GRIN2B: variants seen among roughly 807,000 people sequenced by gnomAD.
GRIN2B encodes the protein glutamate receptor ionotropic, NMDA 2B.
Under a neutral mutation model 114.5 loss-of-function variants are expected in GRIN2B, and 5 were observed. That is an observed-to-expected ratio of 0.04 (90% CI 0.02 to 0.09). The LOEUF (loss-of-function observed/expected upper bound fraction) is 0.09, where lower values mean the gene tolerates loss of function less well. Ranked by LOEUF, GRIN2B falls within the 10% of genes least tolerant of loss-of-function variation. GRIN2B has a pLI of 1.00. For synonymous variants in GRIN2B, 787 were observed against 745.1 expected (o/e 1.06, Z -0.92); for missense variants, 1,108 against 1,943.5 (o/e 0.57, Z 8.08).
chr12:13,655,581 A>C (rs1949855777), intron 5 of GRIN2B, among the ~76,000 whole-genome samples: 1 of 152,164 alleles, frequency 6.6e-6, no homozygotes, highest in Non-Finnish European at 1.5e-5. Context: ...TAGTCTCTGG[A>C]ATTCGACTGC....
chr12:13,965,224 G>A (rs1249092464), intron 2 of GRIN2B, among the ~76,000 whole-genome samples: 2 of 152,092 alleles, frequency 1.3e-5, no homozygotes, highest in Admixed American at 6.5e-5. Flanking sequence ...TCATTTTGAG[G>A]GTTCCTAGCC....
At chr12:13,715,489 AG>A (rs1193886725) in intron 4 of GRIN2B, among the ~76,000 whole-genome samples, 18 of 152,088 alleles carry the variant, frequency 1.2e-4, no homozygotes, top group African/African-American at 4.1e-4. Context: ...TCTTAGGAAA[AG>A]TAACATGCAG....
At chr12:13,733,596 G>A (rs1863125354) in intron 4 of GRIN2B, among the ~76,000 whole-genome samples, 1 of 152,144 alleles carries the variant, frequency 6.6e-6, no homozygotes, top group Non-Finnish European at 1.5e-5. Flanking sequence ...GATGGCTCCT[G>A]GTGTTGTATA....
intron 2 of GRIN2B, among the ~76,000 whole-genome samples, chr12:13,872,363 G>A (rs192255789): frequency 1.3e-5 from 2 of 151,864 alleles, no homozygotes; most frequent in African/African-American, 4.8e-5. Flanking sequence ...GGCTGAGGCA[G>A]GAGAATCCCT....
At chr12:13,877,855 G>A (rs1866012804) in intron 2 of GRIN2B, among the ~76,000 whole-genome samples, 1 of 152,010 alleles carries the variant, frequency 6.6e-6, no homozygotes, top group Non-Finnish European at 1.5e-5. Context: ...TTGAGGTCAG[G>A]AGATTGAGAC....
intron 10 of GRIN2B, among the ~76,000 whole-genome samples, chr12:13,601,556 G>A (rs142296581): frequency 2.1e-3 from 326 of 151,730 alleles, no homozygotes; most frequent in African/African-American, 5.5e-3. Context: ...ATGTTTGTAG[G>A]TTCTAGGGGT....
chr12:13,591,934 C>T (rs951754408), intron 10 of GRIN2B, among the ~76,000 whole-genome samples: 2 of 152,044 alleles, frequency 1.3e-5, no homozygotes, highest in African/African-American at 2.4e-5. Context: ...CAATTTAATC[C>T]AAAAGAGAGC....
At chr12:13,702,048 A>T (rs1178850223) in intron 4 of GRIN2B, among the ~76,000 whole-genome samples, 1 of 152,220 alleles carries the variant, frequency 6.6e-6, no homozygotes, top group Non-Finnish European at 1.5e-5. Context: ...GAACTTCAGC[A>T]ATTTGCCGAC....
chr12:13,866,600 A>G (rs1356885890), intron 2 of GRIN2B, among the ~76,000 whole-genome samples: 1 of 152,180 alleles, frequency 6.6e-6, no homozygotes, highest in Non-Finnish European at 1.5e-5. Context: ...GCTGAAGGAA[A>G]GCAAGGCCAG....
chr12:13,925,673 C>CTGGT (rs1866899906), intron 2 of GRIN2B, among the ~76,000 whole-genome samples: 1 of 152,098 alleles, frequency 6.6e-6, no homozygotes, highest in African/African-American at 2.4e-5. Context: ...AGCCTTAAAA[C>CTGGT]TAACCAAGCC....
chr12:13,810,650 A>C, intron 3 of GRIN2B, among the ~76,000 whole-genome samples: 1 of 152,160 alleles, frequency 6.6e-6, no homozygotes, highest in East Asian at 1.9e-4. Context: ...ATGAACAATC[A>C]GTTTCTATGT....
At position 13,763,729 on chromosome 12, in the gene GRIN2B, G is replaced by T. The variant is rs141382676; in HGVS notation, c.412-9814C>A. Reference sequence around the variant, plus strand: ...AGAGCTTGCTGACCTCCACCCTGTGGCAGGCAACCCCATGGCAGGGTTAAG... The same window carrying T: ...AGAGCTTGCTGACCTCCACCCTGTGTCAGGCAACCCCATGGCAGGGTTAAG... On this transcript the variant is annotated intron_variant, in intron 3 of 13. Transcript: ENST00000609686. Among the ~76,000 whole-genome samples the T allele has an allele frequency of 3.3e-4, 50 of 152,300 alleles. 1 individual carries two copies. The East Asian group carries it at 8.5e-3, about 26-fold the overall frequency.
chr12:13,875,578 A>G (rs183803428), intron 2 of GRIN2B, among the ~76,000 whole-genome samples: 1 of 152,198 alleles, frequency 6.6e-6, no homozygotes, highest in East Asian at 1.9e-4. Flanking sequence ...GAAGAAGGCT[A>G]TTTCCAAGCC....
intron 3 of GRIN2B, among the ~76,000 whole-genome samples, chr12:13,795,582 G>C (rs1273479117): frequency 6.6e-6 from 1 of 152,040 alleles, no homozygotes; most frequent in East Asian, 1.9e-4. Flanking sequence ...CCCATTACTG[G>C]GTATACACCC....
intron 4 of GRIN2B, among the ~76,000 whole-genome samples, chr12:13,680,435 GTTGTGTGTGTGTGT>G (rs1488959063): frequency 5.1e-4 from 59 of 116,456 alleles, no homozygotes; most frequent in South Asian, 5.8e-4. Context: ...TCCCATCAAG[GTTGTGTGTGTGTGT>G]GTGTGTGTGT....
chr12:13,823,643 A>C (rs1387212712), intron 3 of GRIN2B, among the ~76,000 whole-genome samples: 1 of 151,954 alleles, frequency 6.6e-6, no homozygotes, highest in Non-Finnish European at 1.5e-5. Flanking sequence ...TCAATATTCT[A>C]TTTCTTTTTT....
intron 3 of GRIN2B, among the ~76,000 whole-genome samples, chr12:13,782,387 A>T (rs934682965): frequency 5.3e-5 from 8 of 152,032 alleles, no homozygotes; most frequent in African/African-American, 1.9e-4. Flanking sequence ...GACTCTCAAC[A>T]TTTCTCAGCA....
intron 2 of GRIN2B, among the ~76,000 whole-genome samples, chr12:13,971,674 C>A (rs1470977150): frequency 6.6e-6 from 1 of 152,128 alleles, no homozygotes; most frequent in Non-Finnish European, 1.5e-5. Context: ...TTACAAAGGA[C>A]CGAAATGAGG....
intron 4 of GRIN2B, among the ~76,000 whole-genome samples, chr12:13,744,370 T>C (rs1863336822): frequency 6.6e-6 from 1 of 152,188 alleles, no homozygotes; most frequent in Non-Finnish European, 1.5e-5. Context: ...AATGCAAATA[T>C]ACATAAATAG....
Sources: gnomAD v4.1 joint callset for allele counts (sites outside exome capture counted in the v4.1 genomes callset) on GRCh38, gnomAD v4.1.1 for gene constraint, MANE v1.5 for transcripts, NCBI Gene and HGNC (gene_info 2026-07-23, HGNC 2026-07-21) for gene names.